Variants in NEDD4 observed in about 807,000 individuals in gnomAD.
NEDD4 encodes the protein NEDD4 E3 ubiquitin protein ligase, also known as E3 ubiquitin-protein ligase NEDD4.
Under a neutral mutation model 144.9 loss-of-function variants are expected in NEDD4, and 99 were observed. That is an observed-to-expected ratio of 0.68 (90% confidence interval 0.58 to 0.81). The LOEUF is 0.81. Ranked by LOEUF, NEDD4 falls within the 30% of genes least tolerant of loss-of-function variation. NEDD4 has a pLI of 0.00. For missense variants in NEDD4, 985 were observed against 1,065.9 expected (o/e 0.92, Z 1.06); for synonymous variants, 318 against 350.6 (o/e 0.91, Z 1.04).
chr15:55,969,904 T>C (rs2037578876), intron 1 of NEDD4, among the ~76,000 whole-genome samples: 1 of 152,014 alleles, frequency 6.6e-6, no homozygotes, highest in South Asian at 2.1e-4. Flanking sequence ...AAAAAAATTG[T>C]CTGCAACTTG....
chr15:55,950,179 G>A (rs2037212495), intron 4 of NEDD4, among the ~76,000 whole-genome samples: 1 of 151,924 alleles, frequency 6.6e-6, no homozygotes, highest in South Asian at 2.1e-4. Flanking sequence ...TTCATTTGAC[G>A]ATCCAATTGA....
intron 8 of NEDD4, among the ~76,000 whole-genome samples, chr15:55,869,317 TAC>T (rs1364146028): frequency 6.6e-6 from 1 of 152,210 alleles, no homozygotes; most frequent in Non-Finnish European, 1.5e-5. Context: ...ATGGAGAATA[TAC>T]AGTTTTAGAA....
At chr15:55,865,637 A>G (rs2034560726) in intron 8 of NEDD4, among the ~76,000 whole-genome samples, 1 of 151,998 alleles carries the variant, frequency 6.6e-6, no homozygotes, top group Non-Finnish European at 1.5e-5. Context: ...AGATACACAG[A>G]GCTTCTGTTC....
chr15:55,837,801 A>T lies in NEDD4; in HGVS notation c.2250T>A (p.Ala750=). 2 of 1,611,540 alleles carry T rather than the reference A, an allele frequency of 1.2e-6. No individual in the cohort carries two copies. Among genetic ancestry groups the T allele is most frequent in the South Asian group, 2.2e-5 (2 of 90,874 alleles). The change falls in exon 24 of 29, where the codon GCT becomes GCA. Residue 750 remains alanine (A), a synonymous_variant. Coordinates refer to ENST00000435532, the MANE Select transcript of NEDD4 (RefSeq NM_006154.4). ...RFVNRIQKQM[A]AFKEGFFELI... ...AGAAAATGAATACCTCTTTAAAAGC[A>T]GCCATTTGCTTCTGGATTCGGTTTA...
chr15:55,852,078 C>G (rs1193492347), intron 13 of NEDD4, among the ~76,000 whole-genome samples: 1 of 151,748 alleles, frequency 6.6e-6, no homozygotes, highest in Non-Finnish European at 1.5e-5. Flanking sequence ...GGTGGATCAC[C>G]TGAGGTCAGG....
At chr15:55,909,354 CCTTCCCAAAA>C (rs2142185821) in intron 5 of NEDD4, among the ~76,000 whole-genome samples, 1 of 152,266 alleles carries the variant, frequency 6.6e-6, no homozygotes, top group South Asian at 2.1e-4. Context: ...CATGTTGAGT[CCTTCCCAAAA>C]CATCTCATTG....
chr15:55,950,282 C>T (rs2037214617), intron 4 of NEDD4, among the ~76,000 whole-genome samples: 1 of 152,146 alleles, frequency 6.6e-6, no homozygotes. Context: ...AAATCTTACT[C>T]CAAACCAAAA....
intron 1 of NEDD4, among the ~76,000 whole-genome samples, chr15:55,971,190 T>C (rs535209095): frequency 1.6e-4 from 24 of 152,134 alleles, no homozygotes; most frequent in Non-Finnish European, 2.6e-4. Flanking sequence ...AATGGCAGAA[T>C]TGATCACGCA....
Position 55,978,879 on chromosome 15 carries a change from T to G in NEDD4, c.46-12333A>C, listed in dbSNP as rs983207239. Among the ~76,000 whole-genome samples the G allele has an allele frequency of 2.0e-5, 3 of 147,182 alleles. No homozygotes were observed. The Admixed American group carries it at 2.1e-4, about 10-fold the overall frequency. ...TTAAGGCTGAGATTTTCTCCACAAT[T>G]CATGAAGACATCTACTAACTGCTCT... is the stretch of plus-strand genomic sequence containing the variant. On this transcript the variant is annotated intron_variant, in intron 1 of 28. Coordinates refer to ENST00000435532, the MANE Select transcript of NEDD4 (RefSeq NM_006154.4).
At position 55,840,660 on chromosome 15, in the gene NEDD4, T is replaced by TG. The variant is rs1430573377; in HGVS notation, c.1905dup (p.Lys636GlnfsTer38). On this transcript the variant is annotated frameshift_variant, in exon 20 of 29. Transcript: ENST00000435532. LOFTEE classifies it high-confidence loss of function. ...ATTCCAGCTACCCGACCAATAAACT[T>TG]GAAGTAAGAGAGGTGATCTTCGTTA... is the stretch of plus-strand genomic sequence containing the variant. The TG allele has an allele frequency of 6.2e-7, 1 of 1,614,110 alleles. No individual in the cohort carries two copies. Among genetic ancestry groups the TG allele is most frequent in the Non-Finnish European group, 8.5e-7 (1 of 1,180,000 alleles).
Position 55,863,035 on chromosome 15 carries a change from C to A in NEDD4, c.552G>T (p.Leu184Phe). 6.2e-7 allele frequency: 1 copy of A among 1,603,588 alleles called. No homozygotes were observed. The highest frequency in any genetic ancestry group is 1.7e-4 in the Middle Eastern group (1 of 5,970). The change falls in exon 9 of 29, where the codon TTG becomes TTT. Residue 184 changes from leucine (L) to phenylalanine (F), a missense_variant. Transcript: ENST00000435532. ...VLDQPDAACHLQQQQEPSPLP... is the reference protein window; with the variant it reads ...VLDQPDAACHFQQQQEPSPLP... ...GAGGAGAAGGTTCTTGTTGTTGCTG[C>A]AAATGGCAAGCAGCATCTGGTTGGT...
At chr15:55,958,010 C>A (rs1241456350) in intron 2 of NEDD4, among the ~76,000 whole-genome samples, 4 of 152,042 alleles carry the variant, frequency 2.6e-5, no homozygotes, top group Admixed American at 6.5e-5. Context: ...AGGAGATATA[C>A]CTAATGTAAA....
At chr15:55,930,168 T>C (rs1413339034) in intron 4 of NEDD4, among the ~76,000 whole-genome samples, 1 of 152,188 alleles carries the variant, frequency 6.6e-6, no homozygotes, top group Non-Finnish European at 1.5e-5. Flanking sequence ...GCTCACAAGA[T>C]AAGAATATTT....
At chr15:55,914,200 G>GTTT (rs71110354) in intron 5 of NEDD4, among the ~76,000 whole-genome samples, 20,960 of 148,086 alleles carry the variant, frequency 0.14, 1,593 homozygotes, top group East Asian at 0.35. Flanking sequence ...TTATCCAGAA[G>GTTT]TTTTTTTTTT....
Position 55,856,122 on chromosome 15 carries a change from A to G in NEDD4, c.1026+9T>C, listed in dbSNP as rs779086352. 3.1e-5 allele frequency: 50 copies of G among 1,608,822 alleles called. No individual in the cohort carries two copies. Among genetic ancestry groups the G allele is most frequent in the Non-Finnish European group, 3.9e-5 (46 of 1,175,458 alleles). ...TTTTTATTGATTGATGGGAGAGGGT[A>G]AAACTCACCACAGGAAGTGTAGGTT... is the stretch of plus-strand genomic sequence containing the variant. On this transcript the variant is annotated intron_variant, in intron 12 of 28. Coordinates refer to ENST00000435532, the MANE Select transcript of NEDD4 (RefSeq NM_006154.4).
In NEDD4 at chr15:55,862,920, T is replaced by A; in HGVS notation, c.667A>T (p.Thr223Ser). ...AAAGCCATCAGCACATACTGAGGGGTTGGTCTTTTCCACTGTGTTCTTCTA... is the reference window on the plus strand; with the variant it reads ...AAAGCCATCAGCACATACTGAGGGGATGGTCTTTTCCACTGTGTTCTTCTA... ...ESRRTQWKRP[T>S]PQDNLTDAEN... Residue 223 changes from threonine (T) to serine (S), a missense_variant, in exon 9 of 29, where the codon ACC (threonine) becomes TCC (serine). Thr to Ser is a moderately conservative substitution (Grantham distance 58, BLOSUM62 1). Transcript: ENST00000435532. 1 of 1,600,272 alleles carries A rather than the reference T, an allele frequency of 6.2e-7. No homozygotes were observed. The highest frequency in any genetic ancestry group is 8.5e-7 in the Non-Finnish European group (1 of 1,171,668).
chr15:55,894,050 C>A (rs1354290988), intron 5 of NEDD4, among the ~76,000 whole-genome samples: 1 of 152,036 alleles, frequency 6.6e-6, no homozygotes, highest in Admixed American at 6.6e-5. Flanking sequence ...ACAATTTAAT[C>A]TGTGCTATAA....
At chr15:55,950,541 A>T (rs1046703260) in intron 4 of NEDD4, among the ~76,000 whole-genome samples, 12 of 152,330 alleles carry the variant, frequency 7.9e-5, no homozygotes, top group Admixed American at 6.5e-4. Flanking sequence ...CAAATGCTGC[A>T]AAGAGCATGA....
intron 5 of NEDD4, among the ~76,000 whole-genome samples, chr15:55,884,948 G>T (rs1378699812): frequency 6.6e-6 from 1 of 152,112 alleles, no homozygotes; most frequent in Non-Finnish European, 1.5e-5. Context: ...TCAAGTACAA[G>T]AAGGTTATAG....
Sources: gnomAD v4.1 joint callset for allele counts (sites outside exome capture counted in the v4.1 genomes callset) on GRCh38, gnomAD v4.1.1 for gene constraint, MANE v1.5 for transcripts, NCBI Gene and HGNC (gene_info 2026-07-23, HGNC 2026-07-21) for gene names.